Variants in L3MBTL4 observed in about 807,000 individuals in gnomAD.
L3MBTL4 encodes L3MBTL histone methyl-lysine binding protein 4.
A neutral mutation model predicts 84.5 loss-of-function variants in L3MBTL4; 70 were observed. That is an observed-to-expected ratio of 0.83 (90% CI 0.68 to 1.01). The LOEUF is 1.01. Among genes scored for constraint, L3MBTL4 ranks in the 50% least tolerant of loss-of-function variants. The probability of loss-of-function intolerance (pLI) is 0.00; values close to 1 mark genes in which losing one functional copy is unlikely to be tolerated. For synonymous variants in L3MBTL4, 274 were observed against 259.8 expected (o/e 1.05, Z -0.52); for missense variants, 715 against 754.8 (o/e 0.95, Z 0.62).
intron 16 of L3MBTL4, among the ~76,000 whole-genome samples, chr18:6,038,137 T>C (rs1454213002): frequency 6.6e-6 from 1 of 152,120 alleles, no homozygotes; most frequent in Non-Finnish European, 1.5e-5. Flanking sequence ...TGAATATTTA[T>C]GTCACAATGA....
Position 5,956,139 on chromosome 18 carries a change from A to C in L3MBTL4, c.*81T>G. Reference sequence around the variant, plus strand: ...TCAGTGTGGATACGGCCATGGGGACATTCACATCAAATTAATGTGCTCCAC... The same window carrying C: ...TCAGTGTGGATACGGCCATGGGGACCTTCACATCAAATTAATGTGCTCCAC... On this transcript the variant is annotated 3_prime_UTR_variant, in exon 19 of 19. Transcript: ENST00000317931. 1 of 1,178,924 alleles carries C rather than the reference A, an allele frequency of 8.5e-7. No homozygotes were observed. Among genetic ancestry groups the C allele is most frequent in the Non-Finnish European group, 1.2e-6 (1 of 813,158 alleles). 73.0% of individuals were successfully genotyped at this position (1,178,924 alleles called of 1,614,324 possible).
intron 5 of L3MBTL4, among the ~76,000 whole-genome samples, chr18:6,249,414 C>T (rs2146220406): frequency 6.6e-6 from 1 of 152,316 alleles, no homozygotes; most frequent in East Asian, 1.9e-4. Flanking sequence ...AAATTTGAGA[C>T]ATTGACAATA....
intron 12 of L3MBTL4, among the ~76,000 whole-genome samples, chr18:6,177,454 C>G (rs545005318): frequency 6.6e-6 from 1 of 152,110 alleles, no homozygotes; most frequent in Non-Finnish European, 1.5e-5. Context: ...AGGATGGGAG[C>G]AGGACTGGCT....
At chr18:6,361,710 T>C (rs894340161) in intron 1 of L3MBTL4, among the ~76,000 whole-genome samples, 1 of 152,202 alleles carries the variant, frequency 6.6e-6, no homozygotes, top group Non-Finnish European at 1.5e-5. Context: ...CTTCTTCAGC[T>C]GGCTGCAGTC....
intron 10 of L3MBTL4, among the ~76,000 whole-genome samples, chr18:6,219,218 C>T (rs1568333718): frequency 6.6e-6 from 1 of 151,876 alleles, no homozygotes; most frequent in African/African-American, 2.4e-5. Flanking sequence ...CAACCTCATA[C>T]TTATCACTTC....
At chr18:6,250,044 G>T (rs2047856347) in intron 5 of L3MBTL4, among the ~76,000 whole-genome samples, 1 of 152,168 alleles carries the variant, frequency 6.6e-6, no homozygotes, top group Non-Finnish European at 1.5e-5. Context: ...GCCATGGAAG[G>T]CCCCAAGGAC....
chr18:6,007,760 T>C (rs1196893937), intron 16 of L3MBTL4, among the ~76,000 whole-genome samples: 3 of 152,220 alleles, frequency 2.0e-5, no homozygotes, highest in Non-Finnish European at 4.4e-5. Context: ...AACACTACCA[T>C]GGAGCTATAA....
At chr18:6,020,907 C>A (rs2055220313) in intron 16 of L3MBTL4, among the ~76,000 whole-genome samples, 1 of 151,912 alleles carries the variant, frequency 6.6e-6, no homozygotes, top group African/African-American at 2.4e-5. Context: ...ACTTTGGAAG[C>A]CATTAGCCAT....
At chr18:6,187,334 A>G (rs1380412359) in intron 12 of L3MBTL4, among the ~76,000 whole-genome samples, 2 of 152,144 alleles carry the variant, frequency 1.3e-5, no homozygotes, top group Non-Finnish European at 2.9e-5. Flanking sequence ...TGCCTACAGG[A>G]TATCTAACAT....
rs143939568 is a variant in L3MBTL4, at chr18:6,024,173, G to A, written c.1445-54611C>T. 5.7e-4 allele frequency among the ~76,000 whole-genome samples: 87 copies of A among 152,226 alleles called. 1 individual carries two copies. Among genetic ancestry groups the A allele is most frequent in the African/African-American group, 2.0e-3 (85 of 41,540 alleles). On this transcript the variant is annotated intron_variant, in intron 16 of 18. Transcript: ENST00000317931. ...ATTACAGGTGTGAGCCACCACGTCC[G>A]GCCTTATTACTTCTTTGACAGCATT... is the stretch of plus-strand genomic sequence containing the variant.
chr18:6,369,370 G>A (rs1437459019), intron 1 of L3MBTL4, among the ~76,000 whole-genome samples: 2 of 152,218 alleles, frequency 1.3e-5, no homozygotes, highest in Non-Finnish European at 2.9e-5. Flanking sequence ...CTGGGGGCAT[G>A]TGGTGTGCGG....
chr18:5,970,951 A>G (rs1017707325), intron 16 of L3MBTL4, among the ~76,000 whole-genome samples: 3 of 152,216 alleles, frequency 2.0e-5, no homozygotes, highest in Non-Finnish European at 2.9e-5. Context: ...CATATTTAAC[A>G]GTGCTTGCTG....
chr18:6,091,287 G>T (rs753952853), intron 15 of L3MBTL4, among the ~76,000 whole-genome samples: 2 of 152,264 alleles, frequency 1.3e-5, no homozygotes, highest in Admixed American at 6.5e-5. Context: ...GGAGATGAGG[G>T]TAGACTCGAA....
chr18:6,054,034 T>C (rs2056927423), intron 16 of L3MBTL4, among the ~76,000 whole-genome samples: 1 of 152,198 alleles, frequency 6.6e-6, no homozygotes, highest in South Asian at 2.1e-4. Context: ...GCTCTTCAAG[T>C]CCCTCTGCTT....
chr18:6,253,201 AAAACAAAC>A (rs144665524), intron 5 of L3MBTL4, among the ~76,000 whole-genome samples: 16 of 152,020 alleles, frequency 1.1e-4, no homozygotes, highest in African/African-American at 3.9e-4. Flanking sequence ...ACTCCGTCTC[AAAACAAAC>A]AAACAAACAA....
chr18:6,386,235 A>C (rs2144438780), intron 1 of L3MBTL4, among the ~76,000 whole-genome samples: 1 of 152,270 alleles, frequency 6.6e-6, no homozygotes, highest in Middle Eastern at 3.4e-3. Flanking sequence ...AAAGAAAAAA[A>C]ATATTTGAGA....
chr18:6,378,635 G>A (rs527922063), intron 1 of L3MBTL4, among the ~76,000 whole-genome samples: 4 of 152,286 alleles, frequency 2.6e-5, no homozygotes, highest in Admixed American at 2.6e-4. Flanking sequence ...TTGTAGATGT[G>A]TGGTGTTATT....
chr18:6,008,312 A>G (rs2054581335), intron 16 of L3MBTL4, among the ~76,000 whole-genome samples: 1 of 152,148 alleles, frequency 6.6e-6, no homozygotes, highest in Non-Finnish European at 1.5e-5. Context: ...TTGCTGTTCT[A>G]GAGGCACGTG....
intron 16 of L3MBTL4, among the ~76,000 whole-genome samples, chr18:5,972,909 GAAT>G (rs2052721745): frequency 4.3e-5 from 1 of 23,234 alleles, no homozygotes; most frequent in African/African-American, 3.9e-4. Context: ...GAATAGAATA[GAAT>G]AGAATAGAAT....
Sources: gnomAD v4.1 joint callset for allele counts (sites outside exome capture counted in the v4.1 genomes callset) on GRCh38, gnomAD v4.1.1 for gene constraint, MANE v1.5 for transcripts, NCBI Gene and HGNC (gene_info 2026-07-23, HGNC 2026-07-21) for gene names.